Variants in XRCC4 observed in about 807,000 individuals in gnomAD.
XRCC4 encodes the protein X-ray repair cross complementing 4.
In XRCC4, 28 loss-of-function variants were observed where a neutral mutation model predicts 39.1. That is an observed-to-expected ratio of 0.72 (90% CI 0.53 to 0.98). The LOEUF is 0.98. Ranked by LOEUF, XRCC4 falls within the 50% of genes least tolerant of loss-of-function variation. The probability of loss-of-function intolerance (pLI) is 0.00; values close to 1 mark genes in which losing one functional copy is unlikely to be tolerated. For synonymous variants in XRCC4, 123 were observed against 126.4 expected, an observed-to-expected ratio of 0.97 and a Z score of 0.18; for missense variants, 350 against 376.4, an observed-to-expected ratio of 0.93 and a Z score of 0.58.
chr5:83,102,114 A>G (rs879858995), intron 1 of XRCC4, among the ~76,000 whole-genome samples: 32 of 152,126 alleles, frequency 2.1e-4, no homozygotes, highest in Admixed American at 2.0e-3. Context: ...TTGAAATTAT[A>G]GAAGTGCAGT....
chr5:83,362,294 C>CAAAAAAAAA, the XRCC4 span, among the ~76,000 whole-genome samples: 14 of 73,166 alleles, frequency 1.9e-4, 1 homozygote, highest in Admixed American at 1.6e-3. Flanking sequence ...GCTATTTAGG[C>CAAAAAAAAA]AAAAAAAAAA....
chr5:83,106,932 C>T (rs779347978), intron 2 of XRCC4, among the ~76,000 whole-genome samples: 1 of 151,938 alleles, frequency 6.6e-6, no homozygotes, highest in Non-Finnish European at 1.5e-5. Context: ...AATGAAAACT[C>T]CAGTTTTATA....
rs766161565 is a variant in XRCC4 at position 83,284,052 on chromosome 5, C to CAAA, written c.893+25399_893+25401dup. On this transcript the variant is annotated intron_variant, in intron 7 of 7. Transcript: ENST00000396027. Reference sequence around the variant, plus strand: ...CCAAAAACCTTCTACCAACCCAGAGCAAAAAAAAAAAAAAAAAAAAAAAAA... The same window carrying CAAA: ...CCAAAAACCTTCTACCAACCCAGAGCAAAAAAAAAAAAAAAAAAAAAAAAAAAA... 3.7e-4 allele frequency among the ~76,000 whole-genome samples: 6 copies of CAAA among 16,100 alleles called. No homozygotes were observed. The East Asian group carries it at 0.019, about 50-fold the overall frequency. 10.6% of individuals were successfully genotyped at this position (16,100 alleles called of 152,430 possible). A position where few individuals can be genotyped will look rare whatever the true frequency, so the allele number is the denominator to read the frequency against.
At position 83,353,330 on chromosome 5, in the gene XRCC4, C is replaced by T. The variant is rs990085958; in HGVS notation, c.*88C>T. The T allele has an allele frequency of 1.0e-5, 10 of 1,001,700 alleles. No homozygotes were observed. Among genetic ancestry groups the T allele is most frequent in the Middle Eastern group, 2.4e-4 (1 of 4,168 alleles). 62.1% of individuals were successfully genotyped at this position (1,001,700 alleles called of 1,614,324 possible). A position where few individuals can be genotyped will look rare whatever the true frequency, so the allele number is the denominator to read the frequency against. On this transcript the variant is annotated 3_prime_UTR_variant, in exon 8 of 8. Transcript: ENST00000396027. ...AAAAGGAGAATTTCAAGTCAGCAGC[C>T]GCTATTACCGTATCTTACAATTTAA...
chr5:83,309,500 G>T (rs1229743601), intron 7 of XRCC4, among the ~76,000 whole-genome samples: 1 of 150,636 alleles, frequency 6.6e-6, no homozygotes. Flanking sequence ...GGTGGCTCAC[G>T]CCTGTAATCC....
intron 1 of XRCC4, among the ~76,000 whole-genome samples, chr5:83,095,231 C>T (rs1745621747): frequency 6.6e-6 from 1 of 152,116 alleles, no homozygotes; most frequent in East Asian, 1.9e-4. Context: ...TCTTATCTGA[C>T]AGGACCACCG....
chr5:83,223,574 G>C (rs1752170551), intron 6 of XRCC4, among the ~76,000 whole-genome samples: 1 of 149,778 alleles, frequency 6.7e-6, no homozygotes, highest in African/African-American at 2.5e-5. Context: ...CCATTTGAAT[G>C]GAATTTTTTT....
At chr5:83,282,037 T>C (rs960787152) in intron 7 of XRCC4, among the ~76,000 whole-genome samples, 1 of 152,202 alleles carries the variant, frequency 6.6e-6, no homozygotes, top group Non-Finnish European at 1.5e-5. Context: ...GCCTTAATAC[T>C]AGCCTATTTG....
chr5:83,089,388 C>A (rs769759793), intron 1 of XRCC4, among the ~76,000 whole-genome samples: 17 of 152,226 alleles, frequency 1.1e-4, no homozygotes, highest in Non-Finnish European at 1.9e-4. Context: ...ATCCCAATAT[C>A]CTTCCTATAT....
rs77124116 is a variant in XRCC4 at position 83,102,550 on chromosome 5, C to T, written c.-10-2360C>T. ...GGGCATAGGAGATCAGAGTTGGAAA[C>T]TTTTTTCTTGTAACTTGTTCCAGAA... On this transcript the variant is annotated intron_variant, in intron 1 of 7. Transcript: ENST00000396027. Among the ~76,000 whole-genome samples the T allele has an allele frequency of 2.9e-3, 444 of 152,176 alleles. 12 individuals are homozygous for T. The East Asian group carries it at 0.074, about 25-fold the overall frequency.
chr5:83,318,155 CG>C (rs1234762160), intron 7 of XRCC4, among the ~76,000 whole-genome samples: 3 of 145,690 alleles, frequency 2.1e-5, no homozygotes, highest in Admixed American at 2.0e-4. Flanking sequence ...AATTCAACAA[CG>C]CTTCATGCTA....
At chr5:83,136,595 C>T (rs988151846) in intron 3 of XRCC4, among the ~76,000 whole-genome samples, 1 of 152,124 alleles carries the variant, frequency 6.6e-6, no homozygotes, top group African/African-American at 2.4e-5. Context: ...AGATAAAACA[C>T]TTAAGGTGAA....
chr5:83,283,636 G>T (rs1270734241), intron 7 of XRCC4, among the ~76,000 whole-genome samples: 3 of 152,042 alleles, frequency 2.0e-5, no homozygotes, highest in Non-Finnish European at 4.4e-5. Context: ...TTATAATTTG[G>T]AATTGAACTA....
At chr5:83,274,650 A>T (rs1400751506) in intron 7 of XRCC4, among the ~76,000 whole-genome samples, 2 of 152,214 alleles carry the variant, frequency 1.3e-5, no homozygotes. Flanking sequence ...AATGGTCAGG[A>T]AATTGGCATT....
intron 6 of XRCC4, among the ~76,000 whole-genome samples, chr5:83,212,452 A>C (rs1486969135): frequency 6.6e-6 from 1 of 152,162 alleles, no homozygotes; most frequent in Non-Finnish European, 1.5e-5. Context: ...AAATGAACAG[A>C]TCTTCAGAGA....
intron 1 of XRCC4, among the ~76,000 whole-genome samples, chr5:83,078,991 T>C (rs1299036986): frequency 6.6e-6 from 1 of 152,224 alleles, no homozygotes; most frequent in Non-Finnish European, 1.5e-5. Context: ...TTTAGGGCAG[T>C]AAATGTGTCT....
At chr5:83,253,080 CTGAA>C (rs1459467091) in intron 6 of XRCC4, among the ~76,000 whole-genome samples, 1 of 152,102 alleles carries the variant, frequency 6.6e-6, no homozygotes, top group Non-Finnish European at 1.5e-5. Flanking sequence ...ACTAGGATGA[CTGAA>C]ATGAGTTGAG....
In XRCC4 at chr5:83,298,965, T is replaced by TA. The variant is rs1337055045; in HGVS notation, c.893+40289dup. On this transcript the variant is annotated intron_variant, in intron 7 of 7. Coordinates refer to ENST00000396027, the MANE Select transcript of XRCC4 (RefSeq NM_003401.5). Reference sequence around the variant, plus strand: ...CTGTTTCTAAAGAATAAGACATTCTTATTGTTATTTTATATAGTCAATGCT... The same window carrying TA: ...CTGTTTCTAAAGAATAAGACATTCTTAATTGTTATTTTATATAGTCAATGCT... Among the ~76,000 whole-genome samples the TA allele has an allele frequency of 2.0e-5, 3 of 152,060 alleles. No individual in the cohort carries two copies. In the East Asian group the frequency reaches 5.8e-4, roughly 29 times the overall value.
intron 7 of XRCC4, among the ~76,000 whole-genome samples, chr5:83,298,867 T>A (rs1755181023): frequency 6.6e-6 from 1 of 152,040 alleles, no homozygotes; most frequent in African/African-American, 2.4e-5. Context: ...TCCCTTAACT[T>A]CCTTTAATTC....
Sources: gnomAD v4.1 joint callset for allele counts (sites outside exome capture counted in the v4.1 genomes callset) on GRCh38, gnomAD v4.1.1 for gene constraint, MANE v1.5 for transcripts, NCBI Gene and HGNC (gene_info 2026-07-23, HGNC 2026-07-21) for gene names.